The following NR5A2 variants were observed in gnomAD, a reference collection of about 807,000 sequenced individuals.
NR5A2 encodes nuclear receptor subfamily 5 group A member 2.
NR5A2 carries 26 observed loss-of-function variants against 62.7 expected under a neutral mutation model. The observed-to-expected ratio is 0.41, with a 90% CI of 0.30 to 0.58. The LOEUF (loss-of-function observed/expected upper bound fraction) is 0.58. Ranked by LOEUF, NR5A2 falls within the 20% of genes least tolerant of loss-of-function variation. The pLI is 0.22. For synonymous variants in NR5A2, 246 were observed against 241.7 expected (o/e 1.02, Z -0.16); for missense variants, 541 against 669.1 (o/e 0.81, Z 2.11).
At chr1:200,132,241 C>T (rs1200621483) in intron 7 of NR5A2, among the ~76,000 whole-genome samples, 1 of 152,168 alleles carries the variant, frequency 6.6e-6, no homozygotes, top group Non-Finnish European at 1.5e-5. Context: ...AACTCCTGAC[C>T]TCAAGTGATC....
intron 5 of NR5A2, among the ~76,000 whole-genome samples, chr1:200,068,670 C>A (rs1193358902): frequency 6.6e-6 from 1 of 152,160 alleles, no homozygotes; most frequent in East Asian, 1.9e-4. Flanking sequence ...CTGGAGCATA[C>A]ACATTGCTTG....
At chr1:200,122,387 CTG>C (rs1183657916) in intron 7 of NR5A2, among the ~76,000 whole-genome samples, 3 of 152,158 alleles carry the variant, frequency 2.0e-5, no homozygotes, top group Non-Finnish European at 4.4e-5. Flanking sequence ...GTATAAGAAA[CTG>C]TATAGCATCT....
intron 5 of NR5A2, among the ~76,000 whole-genome samples, chr1:200,067,251 T>C (rs1663525572): frequency 6.6e-6 from 1 of 151,944 alleles, no homozygotes; most frequent in African/African-American, 2.4e-5. Flanking sequence ...AAATACCTCA[T>C]ATTCTCACTT....
At chr1:200,067,007 G>C (rs1439221107) in intron 5 of NR5A2, among the ~76,000 whole-genome samples, 1 of 152,170 alleles carries the variant, frequency 6.6e-6, no homozygotes, top group Non-Finnish European at 1.5e-5. Flanking sequence ...GCTACCCCTT[G>C]CTTCATCATA....
At position 200,144,246 on chromosome 1, in the gene NR5A2, C is replaced by G. The variant is rs1272713942; in HGVS notation, c.1378+23291C>G. 1.5e-4 allele frequency among the ~76,000 whole-genome samples: 23 copies of G among 150,364 alleles called. 1 individual carries two copies. The East Asian group carries it at 4.3e-3, about 28-fold the overall frequency. ...TCTCTCTCTCTCTCACACACACACA[C>G]ACACACACACACACACACACACACA... On this transcript the variant is annotated intron_variant, in intron 7 of 7. Transcript: ENST00000367362.
At chr1:200,114,708 G>C (rs1666135399) in intron 6 of NR5A2, among the ~76,000 whole-genome samples, 1 of 152,206 alleles carries the variant, frequency 6.6e-6, no homozygotes, top group Non-Finnish European at 1.5e-5. Flanking sequence ...CATTTATGGA[G>C]TCAACAACCC....
chr1:200,104,648 A>G (rs1665556856), intron 5 of NR5A2, among the ~76,000 whole-genome samples: 1 of 152,134 alleles, frequency 6.6e-6, no homozygotes, highest in African/African-American at 2.4e-5. Flanking sequence ...CATCTTCAAA[A>G]TCATTTTCTT....
rs1248842255 is a variant in NR5A2, at chr1:200,104,672, AT to A, written c.1111-6522del. Among the ~76,000 whole-genome samples, 5 of 151,560 alleles carry A rather than the reference AT, an allele frequency of 3.3e-5. No individual in the cohort carries two copies. In the East Asian group the frequency reaches 9.7e-4, roughly 29 times the overall value. On this transcript the variant is annotated intron_variant, in intron 5 of 7. Coordinates refer to ENST00000367362, the MANE Select transcript of NR5A2 (RefSeq NM_205860.3). The stretch of plus-strand genomic sequence containing the variant: ...AATCATTTTCTTTCCTTTTCTATTT[AT>A]TTTTTTTGAGACAGAGTCTCACTCC...
intron 1 of NR5A2, chr1:200,028,984 A>G (rs1236530180): frequency 2.4e-6 from 1 of 410,994 alleles, no homozygotes; most frequent in Non-Finnish European, 4.9e-6. Context: ...CGAAAAAGAA[A>G]ACATGGGGAA....
chr1:200,123,543 T>TGG (rs1236205878), intron 7 of NR5A2, among the ~76,000 whole-genome samples: 1 of 152,134 alleles, frequency 6.6e-6, no homozygotes, highest in Non-Finnish European at 1.5e-5. Flanking sequence ...AAGAAGGCAC[T>TGG]GGGGCTATAG....
At chr1:200,114,903 A>C (rs1666145186) in intron 6 of NR5A2, among the ~76,000 whole-genome samples, 1 of 152,330 alleles carries the variant, frequency 6.6e-6, no homozygotes, top group East Asian at 1.9e-4. Context: ...ATTAACTCAC[A>C]GATGCTGCAG....
At chr1:200,058,861 G>C (rs956878784) in intron 5 of NR5A2, among the ~76,000 whole-genome samples, 2 of 148,450 alleles carry the variant, frequency 1.3e-5, no homozygotes, top group African/African-American at 2.5e-5. Flanking sequence ...TGTGATCCCA[G>C]CACTTTAGGA....
At chr1:200,028,374 A>G (rs1661423889) in intron 1 of NR5A2, among the ~76,000 whole-genome samples, 1 of 151,554 alleles carries the variant, frequency 6.6e-6, no homozygotes, top group South Asian at 2.1e-4. Flanking sequence ...CTTATACCGT[A>G]AAAAATTTTC....
At chr1:200,092,704 A>G (rs529388221) in intron 5 of NR5A2, among the ~76,000 whole-genome samples, 8 of 59,116 alleles carry the variant, frequency 1.4e-4, no homozygotes, top group Non-Finnish European at 2.2e-4. Flanking sequence ...AGTTAGTCAG[A>G]AAAAAAAAAG....
At chr1:200,112,174 G>A (rs894324689) in intron 6 of NR5A2, among the ~76,000 whole-genome samples, 1 of 152,124 alleles carries the variant, frequency 6.6e-6, no homozygotes, top group African/African-American at 2.4e-5. Context: ...CTGTGAAATA[G>A]GAATGGTTGG....
At chr1:200,101,643 C>T (rs1195862711) in intron 5 of NR5A2, among the ~76,000 whole-genome samples, 2 of 152,268 alleles carry the variant, frequency 1.3e-5, no homozygotes, top group East Asian at 3.9e-4. Context: ...TTCCATAAGC[C>T]ACTTTCAAAA....
chr1:200,094,390 G>T (rs1006032472), intron 5 of NR5A2, among the ~76,000 whole-genome samples: 3 of 151,418 alleles, frequency 2.0e-5, no homozygotes, highest in Non-Finnish European at 1.5e-5. Context: ...TCACCATGTT[G>T]CCCAGGCTGG....
At chr1:200,102,790 T>C (rs1195471736) in intron 5 of NR5A2, among the ~76,000 whole-genome samples, 2 of 152,186 alleles carry the variant, frequency 1.3e-5, no homozygotes, top group Non-Finnish European at 2.9e-5. Flanking sequence ...CCAAATCCAT[T>C]AATGCAGGTT....
intron 7 of NR5A2, among the ~76,000 whole-genome samples, chr1:200,142,386 A>G (rs1365820983): frequency 6.6e-6 from 1 of 151,092 alleles, no homozygotes; most frequent in Non-Finnish European, 1.5e-5. Flanking sequence ...TTTTATAGAG[A>G]TGGGGTTTCC....
Sources: allele counts gnomAD v4.1 joint callset (sites outside exome capture counted in the v4.1 genomes callset), GRCh38; gene constraint gnomAD v4.1.1; transcripts MANE v1.5; gene names NCBI Gene and HGNC (gene_info 2026-07-23, HGNC 2026-07-21).